The following ERI3 variants were observed in gnomAD, a reference collection of about 807,000 sequenced individuals.
ERI3 encodes ERI1 exoribonuclease 3.
ERI3 carries 18 observed loss-of-function variants against 44.4 expected under a neutral mutation model. The ratio of observed to expected loss-of-function variants is 0.41; its 90% CI spans 0.28 to 0.60. ERI3 has a LOEUF of 0.60. ERI3 is among the 20% of genes least tolerant of loss of function. The probability of loss-of-function intolerance (pLI) is 0.36; values close to 1 mark genes in which losing one functional copy is unlikely to be tolerated. For synonymous variants in ERI3, 183 were observed against 164.8 expected (o/e 1.11, Z -0.84); for missense variants, 294 against 435.5 (o/e 0.68, Z 2.89).
intron 5 of ERI3, among the ~76,000 whole-genome samples, chr1:44,308,624 G>A (rs569597286): frequency 3.6e-4 from 54 of 152,104 alleles, no homozygotes; most frequent in Admixed American, 1.2e-3. Context: ...ATGTGTAGCC[G>A]GAGGGAGCCC....
intron 6 of ERI3, among the ~76,000 whole-genome samples, chr1:44,285,475 T>G (rs573609414): frequency 6.6e-6 from 1 of 152,348 alleles, no homozygotes; most frequent in South Asian, 2.1e-4. Flanking sequence ...TCAGCTCACA[T>G]TTAAGCCTCT....
intron 6 of ERI3, 67 bp from the exon 7 acceptor site, chr1:44,284,974 G>T: frequency 7.4e-7 from 1 of 1,357,896 alleles, no homozygotes; most frequent in Non-Finnish European, 1.1e-6. Flanking sequence ...GTCTTAAGAT[G>T]GGAAGTCCAA....
intron 7 of ERI3, among the ~76,000 whole-genome samples, chr1:44,270,059 C>T (rs771708683): frequency 6.6e-6 from 1 of 152,122 alleles, no homozygotes; most frequent in Non-Finnish European, 1.5e-5. Context: ...GTGCTTCTGG[C>T]CTTGAAGGAA....
At chr1:44,314,447 A>C (rs1280600998) in intron 4 of ERI3, among the ~76,000 whole-genome samples, 1 of 152,196 alleles carries the variant, frequency 6.6e-6, no homozygotes, top group African/African-American at 2.4e-5. Flanking sequence ...TCTGTATTTT[A>C]ATTGGGTAAC....
At chr1:44,270,551 T>C (rs1645069228) in intron 7 of ERI3, among the ~76,000 whole-genome samples, 1 of 152,112 alleles carries the variant, frequency 6.6e-6, no homozygotes. Flanking sequence ...GCTCCCAACT[T>C]TCCTGTGCTC....
At chr1:44,303,798 C>T (rs1645776855) in intron 6 of ERI3, among the ~76,000 whole-genome samples, 1 of 151,940 alleles carries the variant, frequency 6.6e-6, no homozygotes, top group African/African-American at 2.4e-5. Flanking sequence ...GGTATTAAGC[C>T]GAGGGGTGAC....
intron 6 of ERI3, among the ~76,000 whole-genome samples, chr1:44,292,535 C>T (rs1037782798): frequency 2.0e-5 from 3 of 152,216 alleles, no homozygotes; most frequent in African/African-American, 7.2e-5. Flanking sequence ...AGAATGGTCA[C>T]TGCAGGAGTG....
intron 7 of ERI3, among the ~76,000 whole-genome samples, chr1:44,257,835 C>T (rs1410106257): frequency 6.6e-6 from 1 of 152,182 alleles, no homozygotes; most frequent in Non-Finnish European, 1.5e-5. Flanking sequence ...TCCCTGGGGC[C>T]ATTCCTCCCC....
upstream of ERI3, chr1:44,355,271 C>T (rs1238003268): frequency 8.7e-7 from 1 of 1,144,402 alleles, no homozygotes; most frequent in Non-Finnish European, 1.1e-6. Flanking sequence ...TCCGCGCACT[C>T]TGACCCCGAC....
intron 6 of ERI3, among the ~76,000 whole-genome samples, chr1:44,290,916 G>C (rs1645493484): frequency 6.6e-6 from 1 of 152,194 alleles, no homozygotes; most frequent in African/African-American, 2.4e-5. Context: ...AAGGAAGAAA[G>C]AGGGGAAGGC....
chr1:44,352,917 G>A lies in ERI3; in HGVS notation c.144C>T (p.Gly48=). 1 of 1,614,164 alleles carries A rather than the reference G, an allele frequency of 6.2e-7. No individual in the cohort carries two copies. The highest frequency in any genetic ancestry group is 8.5e-7 in the Non-Finnish European group (1 of 1,180,030). The change falls in exon 2 of 9, where the codon GGC becomes GGT. Residue 48 remains glycine (G), a synonymous_variant. Coordinates refer to ENST00000372257, the MANE Select transcript of ERI3 (RefSeq NM_024066.3). ...PSWGQHPGHW[G]FPALTEPSAS... ...CTGAAGGTTCTGTGAGAGCTGGAAA[G>A]CCCCAATGCTGTGGATAAATACACA...
chr1:44,347,879 T>TTG (rs113526509), intron 2 of ERI3, among the ~76,000 whole-genome samples: 40,511 of 148,758 alleles, frequency 0.27, 5,512 homozygotes, highest in Non-Finnish European at 0.32. Context: ...GATTGTTTTG[T>TTG]TGTGTGTGTG....
At chr1:44,267,492 CGT>C (rs1030923820) in intron 7 of ERI3, among the ~76,000 whole-genome samples, 4 of 152,168 alleles carry the variant, frequency 2.6e-5, no homozygotes, top group Non-Finnish European at 5.9e-5. Context: ...AGGAGGAGGG[CGT>C]TGGACAGATA....
intron 8 of ERI3, among the ~76,000 whole-genome samples, chr1:44,222,559 C>T (rs974332979): frequency 6.6e-6 from 1 of 152,198 alleles, no homozygotes; most frequent in Non-Finnish European, 1.5e-5. Context: ...GGGGCCTCAG[C>T]GTCATGGACA....
At chr1:44,332,087 G>A (rs758797110) in intron 3 of ERI3, among the ~76,000 whole-genome samples, 3 of 152,148 alleles carry the variant, frequency 2.0e-5, no homozygotes, top group Non-Finnish European at 4.4e-5. Flanking sequence ...ACTATCCAAA[G>A]AGTAAAAAGA....
At chr1:44,310,963 G>GCGCGTGCGCGCGCGCACACACA (rs1373873768) in intron 5 of ERI3, among the ~76,000 whole-genome samples, 8 of 123,200 alleles carry the variant, frequency 6.5e-5, no homozygotes, top group Non-Finnish European at 1.4e-4. Flanking sequence ...GCGCGCGCGC[G>GCGCGTGCGCGCGCGCACACACA]CACACACACA....
At chr1:44,251,799 G>A (rs898124312) in intron 7 of ERI3, among the ~76,000 whole-genome samples, 5 of 152,182 alleles carry the variant, frequency 3.3e-5, no homozygotes, top group African/African-American at 1.2e-4. Context: ...TGTGTACCTG[G>A]CAGCAACATG....
At chr1:44,290,077 AG>A (rs1474128888) in intron 6 of ERI3, among the ~76,000 whole-genome samples, 1 of 152,218 alleles carries the variant, frequency 6.6e-6, no homozygotes, top group African/African-American at 2.4e-5. Flanking sequence ...TTTGAAGAGG[AG>A]GGAGACCAGC....
intron 4 of ERI3, among the ~76,000 whole-genome samples, chr1:44,314,472 G>A (rs1646040956): frequency 6.6e-6 from 1 of 152,150 alleles, no homozygotes; most frequent in Admixed American, 6.5e-5. Flanking sequence ...GCTGCCTACA[G>A]ACTTCCCATG....
Sources: gnomAD v4.1 joint callset for allele counts (sites outside exome capture counted in the v4.1 genomes callset) on GRCh38, gnomAD v4.1.1 for gene constraint, MANE v1.5 for transcripts, NCBI Gene and HGNC (gene_info 2026-07-23, HGNC 2026-07-21) for gene names.